AFF4: variants seen among roughly 807,000 people sequenced by gnomAD.
AFF4 encodes the protein ALF transcription elongation factor 4, also known as AF4/FMR2 family member 4.
A neutral mutation model predicts 124.8 loss-of-function variants in AFF4; 13 were observed. That is an observed-to-expected ratio of 0.10 (90% CI 0.07 to 0.17). The LOEUF (loss-of-function observed/expected upper bound fraction) is 0.17. AFF4 is among the 10% of genes least tolerant of loss of function. AFF4 has a pLI of 1.00. For missense variants in AFF4, 1,092 were observed against 1,403.8 expected (o/e 0.78, Z 3.55); for synonymous variants, 477 against 496.1 (o/e 0.96, Z 0.51).
rs1268281706 is a variant in AFF4, at chr5:132,934,567, T to C, written c.498A>G (p.Lys166=). 8.1e-6 allele frequency: 13 copies of C among 1,614,136 alleles called. No homozygotes were observed. Among genetic ancestry groups the C allele is most frequent in the Middle Eastern group, 1.6e-4 (1 of 6,062 alleles). Residue 166 remains lysine (K), a synonymous_variant, in exon 3 of 21, where the codon AAA becomes AAG. Transcript: ENST00000265343. ...TGGAGTGTTCTGATCCATGCTGGCCTTTTTTCCGGCTACTGCTCCCACTAT... is the reference window on the plus strand; with the variant it reads ...TGGAGTGTTCTGATCCATGCTGGCCCTTTTTCCGGCTACTGCTCCCACTAT... ...YNNSGSSSRK[K]GQHGSEHSKS... is the part of the protein sequence containing the mutation.
intron 14 of AFF4, 121 bp from the exon 15 acceptor site, chr5:132,888,281 G>C (rs1328460911): frequency 1.4e-6 from 1 of 723,400 alleles, no homozygotes; most frequent in Non-Finnish European, 2.2e-6. Flanking sequence ...CTGTTACTAA[G>C]AATTTGTTTC....
At chr5:132,951,855 T>C (rs114646672) in intron 1 of AFF4, among the ~76,000 whole-genome samples, 2,492 of 152,322 alleles carry the variant, frequency 0.016, 67 homozygotes, top group African/African-American at 0.056. Flanking sequence ...TTTTACTACA[T>C]ATGTATATAT....
chr5:132,927,262 C>G (rs1761193819), intron 4 of AFF4, 55 bp from the exon 5 acceptor site: 2 of 1,454,722 alleles, frequency 1.4e-6, no homozygotes, highest in South Asian at 2.4e-5. Flanking sequence ...AAAAATTATA[C>G]AGCTAAAAAC....
At chr5:132,961,128 G>A (rs1373738323) in intron 1 of AFF4, among the ~76,000 whole-genome samples, 1 of 152,106 alleles carries the variant, frequency 6.6e-6, no homozygotes, top group Non-Finnish European at 1.5e-5. Flanking sequence ...AGGAGGCTGA[G>A]GCAGGAGAAT....
intron 5 of AFF4, among the ~76,000 whole-genome samples, chr5:132,925,463 T>C (rs146217262): frequency 2.9e-3 from 443 of 152,008 alleles, no homozygotes; most frequent in African/African-American, 7.9e-3. Flanking sequence ...CATCAAAAAT[T>C]AAAAACTTTA....
At chr5:132,892,065 A>G (rs1581273790) in intron 13 of AFF4, 99 bp downstream of exon 13, 3 of 1,540,428 alleles carry the variant, frequency 1.9e-6, no homozygotes, top group Non-Finnish European at 2.7e-6. Flanking sequence ...CTATATATTT[A>G]CTGAGATGTT....
chr5:132,947,093 T>A (rs114468825), intron 1 of AFF4, among the ~76,000 whole-genome samples: 3 of 152,116 alleles, frequency 2.0e-5, no homozygotes, highest in African/African-American at 7.2e-5. Context: ...TATGACTTTT[T>A]GCAAGTTTAA....
At chr5:132,899,408 T>TA (rs869230316) in intron 8 of AFF4, among the ~76,000 whole-genome samples, 179 bp downstream of exon 8, 1 of 151,938 alleles carries the variant, frequency 6.6e-6, no homozygotes, top group Non-Finnish European at 1.5e-5. Flanking sequence ...CCCAATTTTT[T>TA]AAAAAAATAA....
chr5:132,899,207 T>C lies in AFF4; in HGVS notation c.1189-66A>G, dbSNP rs1581281001. On this transcript the variant is annotated intron_variant, in intron 8 of 20. Transcript: ENST00000265343. ...CAGTATTCTATTTGCTTAGTGTGAA[T>C]AATATCTGAACTCTTAACAGAAAAA... 3 of 1,471,536 alleles carry C rather than the reference T, an allele frequency of 2.0e-6. No individual in the cohort carries two copies. The South Asian group carries it at 3.5e-5, about 17-fold the overall frequency. 91.2% of individuals were successfully genotyped at this position (1,471,536 alleles called of 1,614,324 possible).
chr5:132,892,478 G>C (rs1760288620), intron 12 of AFF4, 74 bp from the exon 13 acceptor site: 1 of 1,521,150 alleles, frequency 6.6e-7, no homozygotes, highest in Admixed American at 2.2e-5. Flanking sequence ...ATTTCTCTTT[G>C]TCTGCTTTCA....
intron 18 of AFF4, 113 bp from the exon 19 acceptor site, chr5:132,885,232 T>A: frequency 1.5e-6 from 1 of 688,158 alleles, no homozygotes; most frequent in Non-Finnish European, 2.4e-6. Flanking sequence ...GCTGTAAATA[T>A]TTAAGACACC....
At chr5:132,923,372 GA>G (rs1761096655) in intron 5 of AFF4, among the ~76,000 whole-genome samples, 3 of 272 alleles carry the variant, frequency 0.011, no homozygotes, top group Non-Finnish European at 0.011. Context: ...GGAAAGAAAG[GA>G]GAGAGAGAGA....
chr5:132,944,164 C>G (rs1448469332), intron 1 of AFF4: 2 of 152,480 alleles, frequency 1.3e-5, no homozygotes, highest in African/African-American at 4.8e-5. Context: ...GGTGAAACCC[C>G]ATCTCTACTA....
At chr5:132,890,998 AAATAAATTAATT>A (rs1204671744) in intron 13 of AFF4, among the ~76,000 whole-genome samples, 2 of 151,700 alleles carry the variant, frequency 1.3e-5, no homozygotes, top group Non-Finnish European at 2.9e-5. Context: ...AAAAGCAAAT[AAATAAATTAATT>A]AATAAATTAA....
At chr5:132,930,416 A>C (rs1761271883) in intron 4 of AFF4, among the ~76,000 whole-genome samples, 1 of 152,218 alleles carries the variant, frequency 6.6e-6, no homozygotes. Flanking sequence ...TGTTTGCAGA[A>C]GGAAAAAATA....
At chr5:132,954,637 T>C (rs1581338854) in intron 1 of AFF4, among the ~76,000 whole-genome samples, 1 of 135,680 alleles carries the variant, frequency 7.4e-6, no homozygotes, top group Non-Finnish European at 1.5e-5. Flanking sequence ...AAGCTCCGCC[T>C]CCCGGGTTCA....
intron 10 of AFF4, among the ~76,000 whole-genome samples, chr5:132,897,510 GAC>G (rs1264262450): frequency 6.6e-6 from 1 of 152,120 alleles, no homozygotes; most frequent in Non-Finnish European, 1.5e-5. Flanking sequence ...AGGAGTTTGA[GAC>G]CAGTCTGACC....
chr5:132,889,217 T>C (rs1760195733), intron 13 of AFF4, 44 bp from the exon 14 acceptor site: 1 of 1,395,748 alleles, frequency 7.2e-7, no homozygotes, highest in South Asian at 1.3e-5. Flanking sequence ...CGTAAGGAGA[T>C]TAAAAATGAA....
intron 5 of AFF4, among the ~76,000 whole-genome samples, chr5:132,910,852 G>A (rs141972636): frequency 3.2e-4 from 48 of 152,256 alleles, no homozygotes; most frequent in African/African-American, 9.9e-4. Context: ...ATTGTACAGC[G>A]TTCTATCTCC....
Sources: gnomAD v4.1 joint callset for allele counts (sites outside exome capture counted in the v4.1 genomes callset) on GRCh38, gnomAD v4.1.1 for gene constraint, MANE v1.5 for transcripts, NCBI Gene and HGNC (gene_info 2026-07-23, HGNC 2026-07-21) for gene names.